Variants in PCDHA6 observed in about 807,000 individuals in gnomAD.
The protein encoded by PCDHA6 is protocadherin alpha-6.
PCDHA6 carries 55 observed loss-of-function variants against 60.3 expected under a neutral mutation model. That is an observed-to-expected ratio of 0.91 (90% CI 0.73 to 1.14). The LOEUF (loss-of-function observed/expected upper bound fraction) is 1.14, where lower values mean the gene tolerates loss of function less well. PCDHA6 is among the 50% of genes most tolerant of loss of function. PCDHA6 has a pLI of 0.00. For missense variants in PCDHA6, 1,327 were observed against 1,256.5 expected, an observed-to-expected ratio of 1.06 and a Z score of -0.85; for synonymous variants, 652 against 557.9, an observed-to-expected ratio of 1.17 and a Z score of -2.38.
At chr5:141,000,421 A>ATTTTTTTTT (rs34755515) in intron 3 of PCDHA6, among the ~76,000 whole-genome samples, 3 of 27,980 alleles carry the variant, frequency 1.1e-4, no homozygotes, top group African/African-American at 1.8e-4. Flanking sequence ...ATATATATAT[A>ATTTTTTTTT]TTTTTTTTTT....
intron 1 of PCDHA6, among the ~76,000 whole-genome samples, chr5:140,832,044 G>A (rs184906141): frequency 2.0e-4 from 31 of 152,258 alleles, no homozygotes; most frequent in African/African-American, 6.3e-4. Flanking sequence ...TCATAGTGAG[G>A]CCATAATTAC....
At chr5:140,841,992 G>T (rs782125762) in intron 1 of PCDHA6, 1 of 1,613,646 alleles carries the variant, frequency 6.2e-7, no homozygotes, top group African/African-American at 1.3e-5. Context: ...GAGCTCACAG[G>T]CACTGTTCAG....
rs138760871 is a variant in PCDHA6, at chr5:140,828,896, C to G, written c.805C>G (p.Arg269Gly). ...AGTTATCAGACTGAATGCTTCTGAT[C>G]GGGATGAAGGAGCGAATGGGGCAAT... ...TTVIRLNASD[R>G]DEGANGAISY... Residue 269 changes from arginine (R) to glycine (G), a missense_variant, in exon 1 of 4, where the codon CGG (arginine) becomes GGG (glycine). Transcript: ENST00000529310. 1.2e-6 allele frequency: 2 copies of G among 1,614,178 alleles called. No homozygotes were observed. Among genetic ancestry groups the G allele is most frequent in the Non-Finnish European group, 1.7e-6 (2 of 1,180,022 alleles).
intron 1 of PCDHA6, chr5:140,861,112 C>T (rs1554154163): frequency 2.0e-5 from 3 of 152,522 alleles, no homozygotes; most frequent in Admixed American, 6.5e-5. Flanking sequence ...TTAAAAACTA[C>T]AAACACCCAT....
intron 1 of PCDHA6, chr5:140,871,557 T>C (rs2053187983): frequency 1.3e-6 from 2 of 1,489,740 alleles, no homozygotes. Flanking sequence ...AATCCAGTTT[T>C]TTTTCACGGA....
At chr5:141,008,425 A>G (rs1195605563) in intron 3 of PCDHA6, among the ~76,000 whole-genome samples, 2 of 152,172 alleles carry the variant, frequency 1.3e-5, no homozygotes, top group East Asian at 1.9e-4. Context: ...CACTGGGATC[A>G]CTTTGCCCAG....
At chr5:140,857,626 G>T in intron 1 of PCDHA6, 1 of 1,596,672 alleles carries the variant, frequency 6.3e-7, no homozygotes, top group Non-Finnish European at 8.6e-7. Flanking sequence ...ACCACGAGGA[G>T]CTGGAGCTGC....
intron 1 of PCDHA6, chr5:140,884,248 G>T (rs1554181373): frequency 1.2e-6 from 2 of 1,613,458 alleles, no homozygotes; most frequent in East Asian, 4.5e-5. Flanking sequence ...CCGCGCTGAC[G>T]GCCACGGCAA....
chr5:140,830,936 TTTA>T (rs1554133060), intron 1 of PCDHA6: 4 of 152,346 alleles, frequency 2.6e-5, no homozygotes. Flanking sequence ...TGTCGACACT[TTTA>T]TTAAGCTAAC....
intron 1 of PCDHA6, among the ~76,000 whole-genome samples, chr5:140,885,639 A>C (rs782628776): frequency 6.6e-6 from 1 of 152,184 alleles, no homozygotes; most frequent in Non-Finnish European, 1.5e-5. Flanking sequence ...TTGCCTTCCA[A>C]GTATTTTGGA....
intron 1 of PCDHA6, among the ~76,000 whole-genome samples, chr5:140,931,490 C>T (rs1209591038): frequency 6.6e-6 from 1 of 151,888 alleles, no homozygotes; most frequent in Non-Finnish European, 1.5e-5. Flanking sequence ...ACCCTTCAAA[C>T]CAAATTTTTA....
intron 1 of PCDHA6, chr5:140,967,061 C>T: frequency 6.2e-7 from 1 of 1,612,886 alleles, no homozygotes; most frequent in Non-Finnish European, 8.5e-7. Context: ...GAGTGGAGCG[C>T]TCTTCGTCAA....
chr5:140,895,447 G>T (rs1188860605), intron 1 of PCDHA6, among the ~76,000 whole-genome samples: 1 of 152,060 alleles, frequency 6.6e-6, no homozygotes, highest in South Asian at 2.1e-4. Flanking sequence ...CTTTTCATGT[G>T]CTTATTGGTC....
chr5:140,920,400 T>C (rs1185930806), intron 1 of PCDHA6, among the ~76,000 whole-genome samples: 1 of 152,244 alleles, frequency 6.6e-6, no homozygotes, highest in Non-Finnish European at 1.5e-5. Context: ...TGGTGTCTTT[T>C]TTTAATCAGA....
intron 1 of PCDHA6, chr5:140,842,983 C>G (rs2150349153): frequency 6.3e-7 from 1 of 1,594,998 alleles, no homozygotes; most frequent in Non-Finnish European, 8.6e-7. Flanking sequence ...TGCAGGTGTT[C>G]GTGCTGGACG....
At chr5:140,987,451 T>G (rs1481665271) in intron 3 of PCDHA6, among the ~76,000 whole-genome samples, 2 of 152,108 alleles carry the variant, frequency 1.3e-5, no homozygotes, top group African/African-American at 4.8e-5. Flanking sequence ...GCCCGAGAGA[T>G]AATTGTTAAG....
intron 1 of PCDHA6, among the ~76,000 whole-genome samples, chr5:140,943,763 G>T (rs2093562574): frequency 6.6e-6 from 1 of 152,122 alleles, no homozygotes; most frequent in Admixed American, 6.5e-5. Context: ...GGAGATGTAG[G>T]AAAAAAACTA....
chr5:140,882,352 T>A, intron 1 of PCDHA6: 1 of 1,614,166 alleles, frequency 6.2e-7, no homozygotes, highest in Non-Finnish European at 8.5e-7. Context: ...AGACGGGTAG[T>A]GGCCAGCTCC....
chr5:140,944,364 T>G (rs1264806074), intron 1 of PCDHA6, among the ~76,000 whole-genome samples: 1 of 152,072 alleles, frequency 6.6e-6, no homozygotes, highest in Non-Finnish European at 1.5e-5. Flanking sequence ...ATTTTTAATT[T>G]TTTATAGAGA....
Sources: allele counts gnomAD v4.1 joint callset (sites outside exome capture counted in the v4.1 genomes callset), GRCh38; gene constraint gnomAD v4.1.1; transcripts MANE v1.5; gene names NCBI Gene and HGNC (gene_info 2026-07-23, HGNC 2026-07-21).